The following EPHB1 variants were observed in gnomAD, a reference collection of about 807,000 sequenced individuals.
EPHB1 encodes the protein ephrin type-B receptor 1.
A neutral mutation model predicts 94.4 loss-of-function variants in EPHB1; 30 were observed. The observed-to-expected ratio is 0.32, with a 90% CI of 0.24 to 0.43. The LOEUF is 0.43. EPHB1 is among the 20% of genes least tolerant of loss of function. The pLI is 1.00. For missense variants in EPHB1, 1,055 were observed against 1,308.3 expected, an observed-to-expected ratio of 0.81 and a Z score of 2.99; for synonymous variants, 522 against 489.1, an observed-to-expected ratio of 1.07 and a Z score of -0.89.
At chr3:135,196,355 A>G (rs1942616145) in intron 11 of EPHB1, among the ~76,000 whole-genome samples, 1 of 151,996 alleles carries the variant, frequency 6.6e-6, no homozygotes, top group African/African-American at 2.4e-5. Context: ...TCTCATGTTG[A>G]TGAGCTGAGC....
At chr3:134,924,108 C>CCAAT (rs1192036132) in intron 1 of EPHB1, among the ~76,000 whole-genome samples, 49 of 152,264 alleles carry the variant, frequency 3.2e-4, no homozygotes, top group Non-Finnish European at 3.5e-4. Flanking sequence ...GCACATTGAT[C>CCAAT]CAATACCTTC....
At chr3:135,144,985 A>G (rs949917249) in intron 5 of EPHB1, among the ~76,000 whole-genome samples, 2 of 152,204 alleles carry the variant, frequency 1.3e-5, no homozygotes, top group Non-Finnish European at 2.9e-5. Context: ...AAGAATAATT[A>G]ATTCTGCTTT....
At position 135,124,047 on chromosome 3, in the gene EPHB1, T is replaced by C. The variant is rs186585083; in HGVS notation, c.962-8667T>C. On this transcript the variant is annotated intron_variant, in intron 4 of 15. Coordinates refer to ENST00000398015, the MANE Select transcript of EPHB1 (RefSeq NM_004441.5). ...AGGCTGAAACCAGGACTTATGAGTC[T>C]GCCTCCCCCACTACCTTTCTAATCT... 1.4e-3 allele frequency among the ~76,000 whole-genome samples: 218 copies of C among 151,856 alleles called. 1 individual carries two copies. The Middle Eastern group carries it at 0.017, about 12-fold the overall frequency.
intron 3 of EPHB1, among the ~76,000 whole-genome samples, chr3:135,100,103 TA>T (rs1340494520): frequency 6.6e-6 from 1 of 152,122 alleles, no homozygotes; most frequent in Non-Finnish European, 1.5e-5. Context: ...GTAATCAGAT[TA>T]TTAAAAAGAA....
intron 1 of EPHB1, among the ~76,000 whole-genome samples, chr3:134,885,016 A>C (rs534168676): frequency 6.6e-6 from 1 of 152,332 alleles, no homozygotes; most frequent in Non-Finnish European, 1.5e-5. Context: ...TCCCCAAGTC[A>C]TTGTAGTAAA....
chr3:134,832,970 C>G (rs12490938), intron 1 of EPHB1, among the ~76,000 whole-genome samples: 2,008 of 152,322 alleles, frequency 0.013, 110 homozygotes, highest in Admixed American at 0.1. Flanking sequence ...TTAGCAATGA[C>G]CAGTAATGCT....
chr3:135,250,189 A>G (rs1387355374), intron 15 of EPHB1, among the ~76,000 whole-genome samples: 1 of 152,196 alleles, frequency 6.6e-6, no homozygotes, highest in Non-Finnish European at 1.5e-5. Flanking sequence ...CACTGCTCAT[A>G]TTAGCATTAT....
intron 3 of EPHB1, among the ~76,000 whole-genome samples, chr3:135,094,309 C>T (rs1938670504): frequency 6.6e-6 from 1 of 152,228 alleles, no homozygotes; most frequent in Non-Finnish European, 1.5e-5. Context: ...CTGCCCCTTC[C>T]CAGTCTCTGC....
At chr3:135,096,307 C>T (rs1938758785) in intron 3 of EPHB1, among the ~76,000 whole-genome samples, 1 of 152,184 alleles carries the variant, frequency 6.6e-6, no homozygotes, top group Admixed American at 6.5e-5. Context: ...TAAGATCACA[C>T]AGCTAGAACG....
intron 2 of EPHB1, among the ~76,000 whole-genome samples, chr3:134,932,779 C>G (rs567374000): frequency 6.6e-6 from 1 of 152,148 alleles, no homozygotes; most frequent in African/African-American, 2.4e-5. Flanking sequence ...GACAGAAAAG[C>G]CTGAGCTAGA....
At chr3:134,819,919 A>G (rs1472447117) in intron 1 of EPHB1, among the ~76,000 whole-genome samples, 1 of 152,144 alleles carries the variant, frequency 6.6e-6, no homozygotes, top group African/African-American at 2.4e-5. Context: ...TGTCATGCCA[A>G]TTTCTGATTT....
At chr3:134,817,662 C>T (rs2036296407) in intron 1 of EPHB1, among the ~76,000 whole-genome samples, 1 of 152,236 alleles carries the variant, frequency 6.6e-6, no homozygotes, top group Non-Finnish European at 1.5e-5. Flanking sequence ...TGATGTGGTC[C>T]AACCTCTTTC....
chr3:134,900,023 G>A (rs944892035), intron 1 of EPHB1, among the ~76,000 whole-genome samples: 1 of 152,206 alleles, frequency 6.6e-6, no homozygotes, highest in African/African-American at 2.4e-5. Flanking sequence ...ACCACTGTAG[G>A]AGAATGGACT....
chr3:134,993,202 C>T (rs1283024462), intron 3 of EPHB1, among the ~76,000 whole-genome samples: 1 of 152,222 alleles, frequency 6.6e-6, no homozygotes, highest in Non-Finnish European at 1.5e-5. Flanking sequence ...CAGTTGGCTG[C>T]CCTGCTGCCA....
chr3:134,850,493 G>A (rs1208347683), intron 1 of EPHB1, among the ~76,000 whole-genome samples: 2 of 152,212 alleles, frequency 1.3e-5, no homozygotes, highest in Non-Finnish European at 2.9e-5. Flanking sequence ...CGGCCTGAGG[G>A]AAATGGGGCT....
At chr3:135,022,925 G>A (rs1189607377) in intron 3 of EPHB1, among the ~76,000 whole-genome samples, 1 of 152,192 alleles carries the variant, frequency 6.6e-6, no homozygotes, top group Non-Finnish European at 1.5e-5. Context: ...GCTCATGTGT[G>A]TCTTGAAGTG....
chr3:135,014,968 A>G (rs1935743090), intron 3 of EPHB1, among the ~76,000 whole-genome samples: 1 of 152,200 alleles, frequency 6.6e-6, no homozygotes, highest in Admixed American at 6.5e-5. Flanking sequence ...AGCCAATCAC[A>G]GATTAACCCC....
chr3:135,059,299 T>C (rs551605548), intron 3 of EPHB1, among the ~76,000 whole-genome samples: 21 of 152,238 alleles, frequency 1.4e-4, no homozygotes, highest in Non-Finnish European at 2.9e-4. Flanking sequence ...CATTTGGAAT[T>C]CAGGTGTCAC....
intron 3 of EPHB1, among the ~76,000 whole-genome samples, chr3:135,099,422 A>T (rs1938947436): frequency 6.6e-6 from 1 of 152,142 alleles, no homozygotes; most frequent in South Asian, 2.1e-4. Context: ...TTCTCAACAC[A>T]TTGCCATGAA....
Sources: allele counts gnomAD v4.1 joint callset (sites outside exome capture counted in the v4.1 genomes callset), GRCh38; gene constraint gnomAD v4.1.1; transcripts MANE v1.5; gene names NCBI Gene and HGNC (gene_info 2026-07-23, HGNC 2026-07-21).